ZNF695: variants seen among roughly 807,000 people sequenced by gnomAD.
The protein encoded by ZNF695 is zinc finger protein SBZF3.
ZNF695 carries 11 observed loss-of-function variants against 11.2 expected under a neutral mutation model. That is an observed-to-expected ratio of 0.98 (90% confidence interval 0.62 to 1.62). The LOEUF is 1.62. Ranked by LOEUF, ZNF695 falls within the 40% of genes most tolerant of loss-of-function variation. The pLI, the probability that ZNF695 is intolerant of heterozygous loss-of-function variation, is 0.00. For missense variants in ZNF695, 559 were observed against 590.5 expected, an observed-to-expected ratio of 0.95 and a Z score of 0.55; for synonymous variants, 190 against 201.4, an observed-to-expected ratio of 0.94 and a Z score of 0.48.
At chr1:246,960,050 T>C (rs1040685598) in intron 5 of ZNF695, among the ~76,000 whole-genome samples, 2 of 152,356 alleles carry the variant, frequency 1.3e-5, no homozygotes, top group African/African-American at 4.8e-5. Context: ...TATTTCACAA[T>C]GTATTATTTG....
At chr1:246,989,871 C>T (rs1216621215) in intron 3 of ZNF695, among the ~76,000 whole-genome samples, 1 of 152,036 alleles carries the variant, frequency 6.6e-6, no homozygotes. Flanking sequence ...ACAAAATTAG[C>T]TGGGCTGTGG....
rs759973986 is a variant in ZNF695, at chr1:246,989,911, G to A, written c.260-1656C>T. ...AGCTACCTGAGAGGCTGAGGTGGGA[G>A]GATTGCTGGAGCCTGGGAGGCAGAG... On this transcript the variant is annotated intron_variant, in intron 3 of 3. Transcript: ENST00000339986. 3.3e-5 allele frequency among the ~76,000 whole-genome samples: 5 copies of A among 152,276 alleles called. No individual in the cohort carries two copies. The Middle Eastern group carries it at 0.01, about 311-fold the overall frequency.
At chr1:246,982,958 CT>C (rs1668747874), downstream of ZNF695, among the ~76,000 whole-genome samples, 1 of 152,116 alleles carries the variant, frequency 6.6e-6, no homozygotes, top group South Asian at 2.1e-4. Flanking sequence ...AATCCCAGCA[CT>C]TTGGGAGGCC....
chr1:246,989,086 T>G (rs1668945226), intron 3 of ZNF695, among the ~76,000 whole-genome samples: 1 of 118,880 alleles, frequency 8.4e-6, no homozygotes, highest in African/African-American at 3.6e-5. Context: ...AGAGCGAGAC[T>G]CCGTCTCAGA....
intron 5 of ZNF695, among the ~76,000 whole-genome samples, chr1:246,949,007 T>G (rs1172015419): frequency 1.3e-5 from 2 of 152,208 alleles, no homozygotes; most frequent in Non-Finnish European, 2.9e-5. Flanking sequence ...TTTCCTTTTT[T>G]GCACTTCAAC....
At chr1:246,967,585 G>A in intron 5 of ZNF695, 1 of 401,572 alleles carries the variant, frequency 2.5e-6, no homozygotes, top group Admixed American at 2.8e-5. Flanking sequence ...GGTTTCAGGG[G>A]AAGATCAGGA....
intron 5 of ZNF695, among the ~76,000 whole-genome samples, chr1:246,952,308 T>A (rs1667887810): frequency 6.6e-6 from 1 of 152,216 alleles, no homozygotes; most frequent in Non-Finnish European, 1.5e-5. Flanking sequence ...CCACAGATGA[T>A]AATTTCAAAT....
chr1:246,987,345 G>A lies in ZNF695; in HGVS notation c.1170C>T (p.Thr390=), dbSNP rs1311687218. Residue 390 remains threonine, a synonymous_variant, in exon 4 of 4, where the codon ACC becomes ACT. Coordinates refer to ENST00000339986, the MANE Select transcript of ZNF695 (RefSeq NM_020394.5). Reference sequence around the variant, plus strand: ...TATGCTGAATAAGGTATGAGAACCAGGTAAAAGCTTTGCCACATTCCTCAC... The same window carrying A: ...TATGCTGAATAAGGTATGAGAACCAAGTAAAAGCTTTGCCACATTCCTCAC... ...YKCEECGKAF[T]WFSYLIQHKR... 1 of 1,613,662 alleles carries A rather than the reference G, an allele frequency of 6.2e-7. No homozygotes were observed.
downstream of ZNF695, among the ~76,000 whole-genome samples, chr1:246,981,154 A>C (rs1443764900): frequency 6.6e-6 from 1 of 152,272 alleles, no homozygotes; most frequent in Non-Finnish European, 1.5e-5. Flanking sequence ...ATCATCAAGG[A>C]AAGGCAAATC....
rs1199750820 is a variant in ZNF695 at position 246,988,164 on chromosome 1, A to G, written c.351T>C (p.Cys117=). 1.9e-6 allele frequency: 3 copies of G among 1,613,444 alleles called. No individual in the cohort carries two copies. Among genetic ancestry groups the G allele is most frequent in the East Asian group, 2.2e-5 (1 of 44,866 alleles). ...TCCTTAAGCGTAATTTCTCAAGACA[A>G]CATCTTTCATATCTTCTCAGCATCA... ...QKVMLRRYER[C]CLEKLRLRND... Residue 117 remains cysteine, a synonymous_variant, in exon 4 of 4, where the codon TGT becomes TGC. Transcript: ENST00000339986.
chr1:246,989,688 T>C (rs1378652013), intron 3 of ZNF695, among the ~76,000 whole-genome samples: 1 of 152,160 alleles, frequency 6.6e-6, no homozygotes, highest in East Asian at 1.9e-4. Flanking sequence ...GCTGAATGGA[T>C]GAAAACACAA....
At chr1:246,947,119 G>A (rs1490405516) in intron 5 of ZNF695, among the ~76,000 whole-genome samples, 2 of 122,414 alleles carry the variant, frequency 1.6e-5, no homozygotes, top group East Asian at 2.6e-4. Flanking sequence ...CAGCCTGGGC[G>A]ACAAAGCGAG....
In ZNF695 at chr1:246,986,358, G is replaced by A. The variant is rs776692702; in HGVS notation, c.*609C>T. On this transcript the variant is annotated 3_prime_UTR_variant, in exon 4 of 4. Coordinates refer to ENST00000339986, the MANE Select transcript of ZNF695 (RefSeq NM_020394.5). ...GCAGCAACTATAGGAAAGAGCCACC[G>A]TGCCTGGCACCAAAAGGTATACTTG... 7.0e-5 allele frequency: 69 copies of A among 985,030 alleles called. No individual in the cohort carries two copies. The highest frequency in any genetic ancestry group is 1.1e-4 in the East Asian group (1 of 8,838). The allele number at this position is 985,030 out of a possible 1,614,324, so 61.0% of individuals were successfully genotyped here.
chr1:246,963,715 G>A (rs116213490), intron 5 of ZNF695, among the ~76,000 whole-genome samples: 1,915 of 152,186 alleles, frequency 0.013, 33 homozygotes, highest in African/African-American at 0.043. Context: ...CTTCCTCTCC[G>A]GTTGCTAAAA....
chr1:246,956,893 C>T (rs1224135214), intron 5 of ZNF695, among the ~76,000 whole-genome samples: 4 of 151,952 alleles, frequency 2.6e-5, no homozygotes, highest in Non-Finnish European at 5.9e-5. Context: ...GTATAACGTC[C>T]TTATGCTTAG....
At chr1:247,001,486 C>T (rs1398414820) in intron 1 of ZNF695, among the ~76,000 whole-genome samples, 3 of 151,446 alleles carry the variant, frequency 2.0e-5, no homozygotes, top group African/African-American at 7.3e-5. Context: ...TCAAGGCAGG[C>T]AGATCACTTG....
intron 5 of ZNF695, among the ~76,000 whole-genome samples, chr1:246,950,974 T>C (rs2102998302): frequency 6.6e-6 from 1 of 152,342 alleles, no homozygotes. Flanking sequence ...ACTTGTTTAC[T>C]ATCAAACAAT....
intron 4 of ZNF695, among the ~76,000 whole-genome samples, chr1:246,977,985 T>A (rs1235252777): frequency 1.3e-5 from 2 of 152,242 alleles, no homozygotes; most frequent in African/African-American, 2.4e-5. Context: ...CAGGGAATGT[T>A]ATTAAAAACC....
At chr1:246,972,152 C>T (rs553411217) in intron 4 of ZNF695, among the ~76,000 whole-genome samples, 7 of 152,332 alleles carry the variant, frequency 4.6e-5, no homozygotes, top group East Asian at 3.9e-4. Context: ...GTCGGTGCTC[C>T]GCCTCCTCTT....
Sources: gnomAD v4.1 joint callset for allele counts (sites outside exome capture counted in the v4.1 genomes callset) on GRCh38, gnomAD v4.1.1 for gene constraint, MANE v1.5 for transcripts, NCBI Gene and HGNC (gene_info 2026-07-23, HGNC 2026-07-21) for gene names.